TRIM5: variants seen among roughly 807,000 people sequenced by gnomAD.
TRIM5 encodes tripartite motif containing 5, also known as tripartite motif-containing protein 5.
In TRIM5, 31 loss-of-function variants were observed where a neutral mutation model predicts 35.6. The ratio of observed to expected loss-of-function variants is 0.87; its 90% CI spans 0.65 to 1.18. The LOEUF (loss-of-function observed/expected upper bound fraction) is 1.18. Ranked by LOEUF, TRIM5 falls within the 50% of genes most tolerant of loss-of-function variation. The pLI, the probability that TRIM5 is intolerant of heterozygous loss-of-function variation, is 0.00. For missense variants in TRIM5, 609 were observed against 591.6 expected (o/e 1.03, Z -0.31); for synonymous variants, 243 against 215.6 (o/e 1.13, Z -1.11).
chr11:5,608,702 A>C, the TRIM5 span, among the ~76,000 whole-genome samples: 8 of 151,958 alleles, frequency 5.3e-5, no homozygotes, highest in East Asian at 1.9e-4. Context: ...AACAAACAAA[A>C]AAAAATGAAT....
At chr11:5,667,364 G>A (rs182432304) in intron 5 of TRIM5, among the ~76,000 whole-genome samples, 33 of 151,962 alleles carry the variant, frequency 2.2e-4, no homozygotes, top group East Asian at 1.5e-3. Context: ...GGGCCACCAC[G>A]CCCCCCTAAT....
chr11:5,641,271 G>A, the TRIM5 span: 14 of 1,599,924 alleles, frequency 8.8e-6, no homozygotes, highest in South Asian at 1.2e-4. Flanking sequence ...TGGTCAATTG[G>A]AATAAAAAAT....
At chr11:5,595,257 T>G in the TRIM5 span, 1 of 152,214 alleles carries the variant, frequency 6.6e-6, no homozygotes, top group Non-Finnish European at 1.5e-5. Context: ...AGGGAGGAAC[T>G]TTGACATTCT....
the TRIM5 span, chr11:5,605,572 G>A: frequency 6.2e-7 from 1 of 1,609,940 alleles, no homozygotes; most frequent in Non-Finnish European, 8.5e-7. Flanking sequence ...CTGCAGGTAA[G>A]GCTTGTGAAG....
intron 4 of TRIM5, among the ~76,000 whole-genome samples, chr11:5,675,716 T>C (rs1851915294): frequency 6.6e-6 from 1 of 151,806 alleles, no homozygotes; most frequent in South Asian, 2.1e-4. Flanking sequence ...TTTGTTTTAT[T>C]ATACTTTAAG....
chr11:5,631,446 C>A, the TRIM5 span, among the ~76,000 whole-genome samples: 1 of 152,134 alleles, frequency 6.6e-6, no homozygotes, highest in South Asian at 2.1e-4. Context: ...TTTATTTATT[C>A]ATCTGAAGAA....
rs886071476 is a variant in TRIM5, at chr11:5,684,980, G to A, written c.-174C>T. On this transcript the variant is annotated 5_prime_UTR_variant, in exon 1 of 8. Transcript: ENST00000380034. ...TGGTGATTCTGGGGAGAAGAGTGAA[G>A]ACAGGCCAGGGAAGACGTGGTTAGG... The A allele has an allele frequency of 1.9e-4, 29 of 152,248 alleles. No homozygotes were observed. The highest frequency in any genetic ancestry group is 6.8e-4 in the African/African-American group (28 of 41,456). 9.4% of individuals were successfully genotyped at this position (152,248 alleles called of 1,614,324 possible).
At chr11:5,636,371 T>A in the TRIM5 span, among the ~76,000 whole-genome samples, 1 of 152,188 alleles carries the variant, frequency 6.6e-6, no homozygotes, top group South Asian at 2.1e-4. Context: ...TGGGGAAGAA[T>A]AGGAAGTAAT....
chr11:5,649,956 G>T, the TRIM5 span, among the ~76,000 whole-genome samples: 1 of 152,202 alleles, frequency 6.6e-6, no homozygotes, highest in South Asian at 2.1e-4. Flanking sequence ...CAAGACAGCT[G>T]CTCAGGATGA....
At chr11:5,608,074 G>A in the TRIM5 span, among the ~76,000 whole-genome samples, 1 of 152,178 alleles carries the variant, frequency 6.6e-6, no homozygotes, top group African/African-American at 2.4e-5. Flanking sequence ...AGGTTCTCTA[G>A]GCCAGGCACA....
chr11:5,603,391 A>T, the TRIM5 span: 1,020 of 1,613,942 alleles, frequency 6.3e-4, 1 homozygote, highest in Non-Finnish European at 8.2e-4. Context: ...AGAACCCCTG[A>T]GCATAGACTG....
chr11:5,594,167 A>G, the TRIM5 span, among the ~76,000 whole-genome samples: 2 of 152,176 alleles, frequency 1.3e-5, no homozygotes, highest in African/African-American at 4.8e-5. Flanking sequence ...ATTGCCAAGT[A>G]CCTTCATTTC....
the TRIM5 span, among the ~76,000 whole-genome samples, chr11:5,623,847 T>A: frequency 6.6e-6 from 1 of 152,200 alleles, no homozygotes; most frequent in Admixed American, 6.5e-5. Flanking sequence ...TTGATCACCA[T>A]GCATGAGTCA....
the TRIM5 span, chr11:5,632,547 G>T: frequency 6.2e-7 from 1 of 1,613,952 alleles, no homozygotes; most frequent in South Asian, 1.1e-5. Flanking sequence ...AGGCTAATCA[G>T]CATCTGGCCA....
chr11:5,656,520 A>G, the TRIM5 span, among the ~76,000 whole-genome samples: 1 of 152,208 alleles, frequency 6.6e-6, no homozygotes, highest in Non-Finnish European at 1.5e-5. Context: ...ATGCCCGGCT[A>G]GTTTTGTATT....
intron 4 of TRIM5, among the ~76,000 whole-genome samples, chr11:5,675,020 G>T (rs568142809): frequency 4.7e-5 from 7 of 150,154 alleles, no homozygotes; most frequent in Non-Finnish European, 8.8e-5. Flanking sequence ...TTGAAAATTG[G>T]GATAAGAGCA....
the TRIM5 span, among the ~76,000 whole-genome samples, chr11:5,638,221 G>GCTA: frequency 6.6e-6 from 1 of 152,206 alleles, no homozygotes; most frequent in Admixed American, 6.5e-5. Context: ...TAATATCAGT[G>GCTA]AAGATAATTC....
chr11:5,625,381 T>C, the TRIM5 span, among the ~76,000 whole-genome samples: 2 of 152,198 alleles, frequency 1.3e-5, no homozygotes, highest in Non-Finnish European at 2.9e-5. Flanking sequence ...AACAATTCTC[T>C]CTCTCTCTTT....
chr11:5,619,764 G>A, the TRIM5 span: 1 of 123,648 alleles, frequency 8.1e-6, no homozygotes, highest in Non-Finnish European at 1.6e-5. Flanking sequence ...GAGTAGTGGT[G>A]TGATCTCGGC....
Sources: allele counts gnomAD v4.1 joint callset (sites outside exome capture counted in the v4.1 genomes callset), GRCh38; gene constraint gnomAD v4.1.1; transcripts MANE v1.5; gene names NCBI Gene and HGNC (gene_info 2026-07-23, HGNC 2026-07-21).